The following OR1J2 variants were observed in gnomAD, a reference collection of about 807,000 sequenced individuals.
The protein encoded by OR1J2 is olfactory receptor 1J2.
For missense variants in OR1J2, 304 were observed against 246.1 expected, an observed-to-expected ratio of 1.24 and a Z score of -1.57; for synonymous variants, 142 against 99.7, an observed-to-expected ratio of 1.42 and a Z score of -2.52.
chr9:122,472,335 A>C, the OR1J2 span, among the ~76,000 whole-genome samples: 2 of 152,242 alleles, frequency 1.3e-5, no homozygotes, highest in African/African-American at 4.8e-5. Context: ...GACAAGTTAT[A>C]ATACAAATGT....
the OR1J2 span, among the ~76,000 whole-genome samples, chr9:122,561,451 T>C: frequency 6.6e-6 from 1 of 152,184 alleles, no homozygotes; most frequent in African/African-American, 2.4e-5. Flanking sequence ...GTTTTTTCGT[T>C]GATTCTTTCT....
chr9:122,476,759 G>A, the OR1J2 span, among the ~76,000 whole-genome samples: 1 of 151,930 alleles, frequency 6.6e-6, no homozygotes, highest in Non-Finnish European at 1.5e-5. Context: ...AGGCTGGAGT[G>A]CAGTGGCACG....
At chr9:122,492,187 T>C in the OR1J2 span, among the ~76,000 whole-genome samples, 1 of 152,054 alleles carries the variant, frequency 6.6e-6, no homozygotes, top group Non-Finnish European at 1.5e-5. Flanking sequence ...CAGTGTCCAT[T>C]ATTGCCACAT....
the OR1J2 span, chr9:122,567,703 C>T: frequency 4.3e-6 from 7 of 1,613,930 alleles, no homozygotes; most frequent in Admixed American, 1.2e-4. Flanking sequence ...TGTAAATAGA[C>T]ACAGAAGATG....
At chr9:122,515,933 A>G (rs1828695002), downstream of OR1J2, among the ~76,000 whole-genome samples, 1 of 152,156 alleles carries the variant, frequency 6.6e-6, no homozygotes, top group Non-Finnish European at 1.5e-5. Flanking sequence ...ACTGAATATA[A>G]GACACTGAGT....
downstream of OR1J2, among the ~76,000 whole-genome samples, chr9:122,516,662 C>A (rs1215226311): frequency 2.6e-5 from 4 of 152,098 alleles, no homozygotes; most frequent in African/African-American, 9.7e-5. Context: ...GAATTGGATT[C>A]AGGGGGCTTT....
At chr9:122,519,238 G>A in the OR1J2 span, 87 of 1,613,962 alleles carry the variant, frequency 5.4e-5, no homozygotes, top group African/African-American at 9.3e-4. Context: ...CTGTTCTTGG[G>A]CATGTACCTG....
the OR1J2 span, among the ~76,000 whole-genome samples, chr9:122,554,875 C>G: frequency 6.6e-6 from 1 of 152,174 alleles, no homozygotes; most frequent in South Asian, 2.1e-4. Flanking sequence ...TTTGTACTAA[C>G]TACACCATCC....
At chr9:122,574,469 G>A in the OR1J2 span, among the ~76,000 whole-genome samples, 62 of 151,948 alleles carry the variant, frequency 4.1e-4, no homozygotes, top group African/African-American at 1.4e-3. Flanking sequence ...ATGATATTCT[G>A]TTCTTAATTT....
At chr9:122,553,624 C>G in the OR1J2 span, 1 of 1,614,144 alleles carries the variant, frequency 6.2e-7, no homozygotes, top group South Asian at 1.1e-5. Context: ...TACAGCACAT[C>G]TATGAGTCCC....
the OR1J2 span, among the ~76,000 whole-genome samples, chr9:122,560,408 A>C: frequency 0.31 from 46,784 of 151,932 alleles, 8,078 homozygotes; most frequent in East Asian, 0.81. Context: ...TAATTGATGC[A>C]ATTTCTTCAT....
At chr9:122,468,490 A>G in the OR1J2 span, among the ~76,000 whole-genome samples, 2 of 152,232 alleles carry the variant, frequency 1.3e-5, no homozygotes, top group African/African-American at 4.8e-5. Flanking sequence ...TAAAGGAGAA[A>G]TTGATAAATT....
downstream of OR1J2, among the ~76,000 whole-genome samples, chr9:122,514,223 C>A (rs1394184640): frequency 6.6e-6 from 1 of 152,096 alleles, no homozygotes; most frequent in Non-Finnish European, 1.5e-5. Flanking sequence ...GAGGTTTGGG[C>A]TACAAATGAT....
At chr9:122,564,403 TG>T in the OR1J2 span, among the ~76,000 whole-genome samples, 24 of 151,704 alleles carry the variant, frequency 1.6e-4, no homozygotes, top group South Asian at 3.6e-3. Flanking sequence ...ACTTGTGGAG[TG>T]GGGGGGTATT....
chr9:122,526,804 A>G, the OR1J2 span: 517,912 of 1,613,412 alleles, frequency 0.32, 85,430 homozygotes, highest in East Asian at 0.47. Flanking sequence ...CAGAAGGACA[A>G]CCGAGCCATG....
At chr9:122,554,068 C>T in the OR1J2 span, 1 of 1,613,470 alleles carries the variant, frequency 6.2e-7, no homozygotes, top group Admixed American at 1.7e-5. Context: ...GTGATTATTC[C>T]CACGCTAAAC....
At chr9:122,568,664 G>T in the OR1J2 span, 1 of 527,072 alleles carries the variant, frequency 1.9e-6, no homozygotes, top group Non-Finnish European at 3.3e-6. Context: ...AAATCTATGG[G>T]CTCCATAAGG....
At chr9:122,528,451 A>T in the OR1J2 span, among the ~76,000 whole-genome samples, 3 of 152,102 alleles carry the variant, frequency 2.0e-5, no homozygotes, top group Non-Finnish European at 4.4e-5. Context: ...TACAAAAATT[A>T]GCCGGGTGTG....
chr9:122,493,688 T>C, the OR1J2 span, among the ~76,000 whole-genome samples: 5 of 152,146 alleles, frequency 3.3e-5, no homozygotes, highest in Non-Finnish European at 5.9e-5. Flanking sequence ...TTTTTGTTTG[T>C]TTCATTTAGT....
Sources: allele counts gnomAD v4.1 joint callset (sites outside exome capture counted in the v4.1 genomes callset), GRCh38; gene constraint gnomAD v4.1.1; transcripts MANE v1.5; gene names NCBI Gene and HGNC (gene_info 2026-07-23, HGNC 2026-07-21).